The following LSAMP variants were observed in gnomAD, a reference collection of about 807,000 sequenced individuals.
LSAMP encodes the protein limbic system-associated membrane protein.
Under a neutral mutation model 38.6 loss-of-function variants are expected in LSAMP, and 7 were observed. The ratio of observed to expected loss-of-function variants is 0.18; its 90% CI spans 0.10 to 0.34. The LOEUF is 0.34. Ranked by LOEUF, LSAMP falls within the 10% of genes least tolerant of loss-of-function variation. LSAMP has a pLI of 1.00. For missense variants in LSAMP, 313 were observed against 420.0 expected (o/e 0.75, Z 2.23); for synonymous variants, 154 against 166.8 (o/e 0.92, Z 0.59).
intron 1 of LSAMP, among the ~76,000 whole-genome samples, chr3:116,382,810 C>T (rs555905729): frequency 6.6e-6 from 1 of 152,142 alleles, no homozygotes; most frequent in East Asian, 1.9e-4. Context: ...TAAAAGTTGC[C>T]TCCTTTCCTT....
intron 1 of LSAMP, among the ~76,000 whole-genome samples, chr3:116,274,489 A>G (rs1050078270): frequency 2.0e-5 from 3 of 152,170 alleles, no homozygotes; most frequent in African/African-American, 7.2e-5. Flanking sequence ...TGCCTAAAAT[A>G]TGGGTTCACA....
chr3:116,199,228 A>G (rs969515523), intron 1 of LSAMP, among the ~76,000 whole-genome samples: 1 of 152,086 alleles, frequency 6.6e-6, no homozygotes, highest in Non-Finnish European at 1.5e-5. Flanking sequence ...AAGACTGAGT[A>G]GGAAAGCTTA....
At chr3:115,932,290 T>C (rs1215017562) in intron 3 of LSAMP, among the ~76,000 whole-genome samples, 1 of 152,240 alleles carries the variant, frequency 6.6e-6, no homozygotes, top group African/African-American at 2.4e-5. Flanking sequence ...TTTGGACTTT[T>C]GTCTTCTGAC....
chr3:116,134,852 CAAT>C (rs1338950398), intron 1 of LSAMP, among the ~76,000 whole-genome samples: 5 of 152,158 alleles, frequency 3.3e-5, no homozygotes, highest in Non-Finnish European at 7.3e-5. Context: ...AGGAGGTACT[CAAT>C]AAATACTGCT....
intron 3 of LSAMP, among the ~76,000 whole-genome samples, chr3:115,950,978 TA>T (rs1267631490): frequency 6.6e-6 from 1 of 152,122 alleles, no homozygotes; most frequent in Non-Finnish European, 1.5e-5. Context: ...GCCAGATACT[TA>T]CAGCCAACTG....
chr3:116,290,221 T>C (rs145103084), intron 1 of LSAMP, among the ~76,000 whole-genome samples: 1 of 152,308 alleles, frequency 6.6e-6, no homozygotes, highest in Non-Finnish European at 1.5e-5. Context: ...ATTGGAGTAG[T>C]AGCATTTTAG....
chr3:116,175,824 T>G (rs963268944), intron 1 of LSAMP, among the ~76,000 whole-genome samples: 1 of 152,124 alleles, frequency 6.6e-6, no homozygotes, highest in Non-Finnish European at 1.5e-5. Context: ...AGCCAAAGTT[T>G]CTGGTACTTT....
chr3:115,835,486 A>G (rs3772957), intron 6 of LSAMP, among the ~76,000 whole-genome samples: 24,010 of 152,194 alleles, frequency 0.16, 2,318 homozygotes, highest in Non-Finnish European at 0.22. Context: ...TAGTAGGGAT[A>G]GGATGTATTA....
At chr3:115,960,583 G>C (rs113428951) in intron 3 of LSAMP, among the ~76,000 whole-genome samples, 1 of 152,044 alleles carries the variant, frequency 6.6e-6, no homozygotes, top group Non-Finnish European at 1.5e-5. Flanking sequence ...AATTTTTTCC[G>C]CCAGTGTTTC....
intron 1 of LSAMP, among the ~76,000 whole-genome samples, chr3:116,183,453 G>C (rs1348680713): frequency 6.6e-6 from 1 of 151,874 alleles, no homozygotes; most frequent in African/African-American, 2.4e-5. Flanking sequence ...ACAGGTATTA[G>C]GGCAGTGTTA....
intron 2 of LSAMP, among the ~76,000 whole-genome samples, chr3:116,074,245 T>G (rs912908309): frequency 7.2e-5 from 11 of 152,216 alleles, no homozygotes; most frequent in African/African-American, 2.4e-4. Flanking sequence ...TCAGCATTTA[T>G]ACTGGGTGGT....
chr3:116,150,548 A>G (rs559827629), intron 1 of LSAMP, among the ~76,000 whole-genome samples: 29 of 152,140 alleles, frequency 1.9e-4, no homozygotes, highest in African/African-American at 7.0e-4. Context: ...TGATGTTTCT[A>G]TTATCAATAA....
chr3:116,004,780 C>G (rs1344861420), intron 3 of LSAMP, among the ~76,000 whole-genome samples: 1 of 152,058 alleles, frequency 6.6e-6, no homozygotes, highest in African/African-American at 2.4e-5. Context: ...AGATTTTGCT[C>G]TTCTGATAAA....
chr3:115,902,114 A>G (rs1009495471), intron 3 of LSAMP, among the ~76,000 whole-genome samples: 3 of 152,136 alleles, frequency 2.0e-5, no homozygotes, highest in Non-Finnish European at 4.4e-5. Context: ...AGCAGATGTT[A>G]GTGGATAATC....
chr3:115,930,325 T>G (rs1937561842), intron 3 of LSAMP, among the ~76,000 whole-genome samples: 1 of 152,138 alleles, frequency 6.6e-6, no homozygotes, highest in South Asian at 2.1e-4. Context: ...GCATGTATTA[T>G]GGGCCAGGCA....
intron 1 of LSAMP, among the ~76,000 whole-genome samples, chr3:116,138,992 T>C (rs185076378): frequency 2.6e-5 from 4 of 151,784 alleles, no homozygotes; most frequent in African/African-American, 9.6e-5. Context: ...AAATTATACA[T>C]TGAGCATTAT....
intron 1 of LSAMP, among the ~76,000 whole-genome samples, chr3:116,319,581 A>G (rs2047679891): frequency 1.3e-5 from 2 of 152,190 alleles, no homozygotes; most frequent in African/African-American, 4.8e-5. Flanking sequence ...AAATAAATAT[A>G]TGAAAAAGAA....
Position 115,871,880 on chromosome 3 carries a change from A to C in LSAMP, c.515-19263T>G, listed in dbSNP as rs1392530459. On this transcript the variant is annotated intron_variant, in intron 3 of 6. Coordinates refer to ENST00000490035, the MANE Select transcript of LSAMP (RefSeq NM_002338.5). ...TGCCTCAGGATATAAAGTGATCACCAACTGGACTCAAAAATATTCCTACAC... is the reference window on the plus strand; with the variant it reads ...TGCCTCAGGATATAAAGTGATCACCCACTGGACTCAAAAATATTCCTACAC... Among the ~76,000 whole-genome samples the C allele has an allele frequency of 2.6e-5, 4 of 152,146 alleles. No homozygotes were observed. In the East Asian group the frequency reaches 7.7e-4, roughly 29 times the overall value.
intron 6 of LSAMP, among the ~76,000 whole-genome samples, chr3:115,836,521 C>T (rs1351918021): frequency 6.6e-6 from 1 of 152,192 alleles, no homozygotes; most frequent in African/African-American, 2.4e-5. Flanking sequence ...AGGAGGAAAA[C>T]ACACTTAGCA....
Sources: allele counts gnomAD v4.1 joint callset (sites outside exome capture counted in the v4.1 genomes callset), GRCh38; gene constraint gnomAD v4.1.1; transcripts MANE v1.5; gene names NCBI Gene and HGNC (gene_info 2026-07-23, HGNC 2026-07-21).